AGBL1: variants seen among roughly 807,000 people sequenced by gnomAD.
AGBL1 encodes the protein cytosolic carboxypeptidase 4.
A neutral mutation model predicts 118.9 loss-of-function variants in AGBL1; 130 were observed. The observed-to-expected ratio is 1.09, with a 90% CI of 0.95 to 1.26. The LOEUF (loss-of-function observed/expected upper bound fraction) is 1.26, where lower values mean the gene tolerates loss of function less well. Among genes scored for constraint, AGBL1 ranks in the 50% most tolerant of loss-of-function variants. The pLI, the probability that AGBL1 is intolerant of heterozygous loss-of-function variation, is 0.00. For synonymous variants in AGBL1, 555 were observed against 478.9 expected, an observed-to-expected ratio of 1.16 and a Z score of -2.08; for missense variants, 1,584 against 1,298.1, an observed-to-expected ratio of 1.22 and a Z score of -3.38.
intron 22 of AGBL1, among the ~76,000 whole-genome samples, chr15:86,682,507 A>G (rs2085978724): frequency 6.6e-6 from 1 of 152,192 alleles, no homozygotes. Context: ...AAATTGATTT[A>G]CTTTTCTCTG....
chr15:87,002,357 A>C (rs1304751602), intron 24 of AGBL1, among the ~76,000 whole-genome samples: 1 of 151,952 alleles, frequency 6.6e-6, no homozygotes, highest in Non-Finnish European at 1.5e-5. Context: ...TGGTACCAGT[A>C]CCATGCTGTT....
At chr15:86,630,273 G>A (rs1010276119) in intron 21 of AGBL1, 1 of 152,206 alleles carries the variant, frequency 6.6e-6, no homozygotes, top group African/African-American at 2.4e-5. Context: ...GTGAGATGGT[G>A]GCCCCAACAC....
intron 22 of AGBL1, among the ~76,000 whole-genome samples, chr15:86,858,208 G>A (rs1353489531): frequency 6.6e-6 from 1 of 152,100 alleles, no homozygotes; most frequent in Non-Finnish European, 1.5e-5. Flanking sequence ...CAGAAAAGAA[G>A]GCAAAAGCTT....
intron 1 of AGBL1, among the ~76,000 whole-genome samples, chr15:86,119,784 T>C (rs1897983846): frequency 6.6e-6 from 1 of 152,122 alleles, no homozygotes; most frequent in Non-Finnish European, 1.5e-5. Context: ...TGTGGGGTCC[T>C]AGTAGCTGCA....
intron 22 of AGBL1, among the ~76,000 whole-genome samples, chr15:86,700,947 T>G (rs987392363): frequency 6.6e-5 from 10 of 152,058 alleles, no homozygotes; most frequent in Non-Finnish European, 1.5e-4. Flanking sequence ...AGGAACCATG[T>G]GAAATGCTGT....
At chr15:86,821,343 A>G (rs2078941111) in intron 22 of AGBL1, among the ~76,000 whole-genome samples, 1 of 152,182 alleles carries the variant, frequency 6.6e-6, no homozygotes, top group African/African-American at 2.4e-5. Flanking sequence ...TAAAATAAAC[A>G]TAACAACAAA....
At chr15:86,946,839 G>A (rs1170758791) in intron 23 of AGBL1, among the ~76,000 whole-genome samples, 3 of 78,728 alleles carry the variant, frequency 3.8e-5, no homozygotes, top group East Asian at 7.2e-4. Context: ...AGTGAAACTC[G>A]GTCCAAAAAA....
chr15:86,305,817 G>T (rs1423083146), intron 17 of AGBL1, among the ~76,000 whole-genome samples: 2 of 152,108 alleles, frequency 1.3e-5, no homozygotes, highest in East Asian at 1.9e-4. Context: ...GACAATTGAA[G>T]TCTGTGACTT....
At chr15:86,994,746 TA>T (rs2081365307) in intron 24 of AGBL1, among the ~76,000 whole-genome samples, 1 of 147,932 alleles carries the variant, frequency 6.8e-6, no homozygotes, top group Non-Finnish European at 1.5e-5. Flanking sequence ...TATAAGCCAT[TA>T]AAAGGCTTTC....
rs150396591 is a variant in AGBL1 at position 86,813,601 on chromosome 15, A to C, written c.3159-93486A>C. Among the ~76,000 whole-genome samples, 1,479 of 152,150 alleles carry C rather than the reference A, an allele frequency of 9.7e-3. 22 individuals carry two copies. The highest frequency in any genetic ancestry group is 0.061 in the Middle Eastern group (18 of 294). Reference sequence around the variant, plus strand: ...TTGGCCCTTCATCTCTCTCAGGCCAACAGACAGATCCTCTGGAGTCCTCAC... The same window carrying C: ...TTGGCCCTTCATCTCTCTCAGGCCACCAGACAGATCCTCTGGAGTCCTCAC... On this transcript the variant is annotated intron_variant, in intron 22 of 22. Coordinates refer to ENST00000614907, the MANE Select transcript of AGBL1 (RefSeq NM_001386094.1).
At chr15:86,993,881 G>A (rs1428381704) in intron 24 of AGBL1, among the ~76,000 whole-genome samples, 1 of 152,052 alleles carries the variant, frequency 6.6e-6, no homozygotes, top group African/African-American at 2.4e-5. Context: ...AGAGCTCTTG[G>A]CAGAAACCGG....
intron 18 of AGBL1, among the ~76,000 whole-genome samples, chr15:86,414,388 C>T (rs990573626): frequency 7.9e-5 from 12 of 152,058 alleles, no homozygotes; most frequent in Admixed American, 5.2e-4. Flanking sequence ...AATATTTTAG[C>T]CTGTCTAATA....
intron 21 of AGBL1, among the ~76,000 whole-genome samples, chr15:86,672,983 C>T (rs1418394497): frequency 6.6e-6 from 1 of 152,146 alleles, no homozygotes; most frequent in East Asian, 1.9e-4. Flanking sequence ...TTTTGTTTCT[C>T]CTTGAGGTGC....
At chr15:86,905,092 A>G (rs576776355) in intron 22 of AGBL1, among the ~76,000 whole-genome samples, 1 of 152,348 alleles carries the variant, frequency 6.6e-6, no homozygotes, top group East Asian at 1.9e-4. Context: ...CTTTTTAAAA[A>G]AGCTGCATTT....
intron 17 of AGBL1, among the ~76,000 whole-genome samples, chr15:86,337,081 C>T (rs2080382629): frequency 1.3e-5 from 2 of 152,314 alleles, no homozygotes; most frequent in South Asian, 4.1e-4. Flanking sequence ...TAGATGGACA[C>T]ACAAAACAAT....
At chr15:86,391,641 T>G (rs972262581) in intron 17 of AGBL1, among the ~76,000 whole-genome samples, 4 of 43,524 alleles carry the variant, frequency 9.2e-5, no homozygotes, top group Non-Finnish European at 1.5e-4. Flanking sequence ...TTGTTGTTGG[T>G]TTTTTTTTTT....
intron 6 of AGBL1, among the ~76,000 whole-genome samples, chr15:86,245,421 G>A (rs1325283729): frequency 6.6e-6 from 1 of 152,174 alleles, no homozygotes; most frequent in Admixed American, 6.5e-5. Context: ...AGAGAACGGA[G>A]CTACAAAATT....
intron 18 of AGBL1, among the ~76,000 whole-genome samples, chr15:86,441,565 C>T (rs188287576): frequency 8.5e-5 from 13 of 152,194 alleles, no homozygotes; most frequent in East Asian, 5.8e-4. Context: ...TCCAGGTATC[C>T]GTAAAGGCAG....
intron 18 of AGBL1, among the ~76,000 whole-genome samples, chr15:86,446,916 T>TG (rs774579488): frequency 3.3e-5 from 5 of 152,232 alleles, no homozygotes; most frequent in Non-Finnish European, 5.9e-5. Context: ...TGTTGTTCTG[T>TG]GTTACAGAAG....
Sources: gnomAD v4.1 joint callset for allele counts (sites outside exome capture counted in the v4.1 genomes callset) on GRCh38, gnomAD v4.1.1 for gene constraint, MANE v1.5 for transcripts, NCBI Gene and HGNC (gene_info 2026-07-23, HGNC 2026-07-21) for gene names.